EIF4G1: variants seen among roughly 807,000 people sequenced by gnomAD.
EIF4G1 encodes EIF4-gamma.
A neutral mutation model predicts 187.8 loss-of-function variants in EIF4G1; 4 were observed. The observed-to-expected ratio is 0.02, with a 90% CI of 0.01 to 0.05. The LOEUF is 0.05. Ranked by LOEUF, EIF4G1 falls within the 10% of genes least tolerant of loss-of-function variation. The pLI is 1.00. For missense variants in EIF4G1, 1,647 were observed against 2,081.1 expected (o/e 0.79, Z 4.06); for synonymous variants, 844 against 781.4 (o/e 1.08, Z -1.34).
At chr3:184,320,181 A>C in intron 7 of EIF4G1, 1 of 1,019,068 alleles carries the variant, frequency 9.8e-7, no homozygotes, top group Non-Finnish European at 1.3e-6. Context: ...CTCAGTCCTC[A>C]AGCCCTGGGC....
Position 184,317,731 on chromosome 3 carries a change from C to T in EIF4G1, c.339C>T (p.Tyr113=), listed in dbSNP as rs746125036. Residue 113 remains tyrosine (Y), a synonymous_variant, in exon 6 of 33, where the codon TAC becomes TAT. Transcript: ENST00000346169. ...YYIPGQGRST[Y]VVPTQQYPVQ... ...TTCCCCACCAGGGGCGTTCCACATA[C>T]GTTGTCCCGACACAGCAGTACCCTG... is the stretch of plus-strand genomic sequence containing the variant. 59 of 1,613,928 alleles carry T rather than the reference C, an allele frequency of 3.7e-5. No homozygotes were observed. The highest frequency in any genetic ancestry group is 5.3e-5 in the African/African-American group (4 of 74,914).
At position 184,325,958 on chromosome 3, in the gene EIF4G1, G is replaced by T. The variant is rs764023335; in HGVS notation, c.3222+7G>T. The T allele has an allele frequency of 1.7e-5, 27 of 1,613,900 alleles. No homozygotes were observed. In the South Asian group the frequency reaches 2.5e-4, roughly 15 times the overall value. Reference sequence around the variant, plus strand: ...ACTCACCAAGATCACCAAGGTAGGGGTGTGTGTGGGAGTGGGTGATTCAGC... The same window carrying T: ...ACTCACCAAGATCACCAAGGTAGGGTTGTGTGTGGGAGTGGGTGATTCAGC... On this transcript the variant is annotated splice_region_variant and intron_variant, in intron 21 of 32. Transcript: ENST00000346169. This position sits in a 1 kb window ranked among gnomAD's most constrained non-coding sequence, Gnocchi z 5.2.
rs1226249990 is a variant in EIF4G1 at position 184,321,709 on chromosome 3, G to A, written c.1125G>A (p.Glu375=). 1 of 1,592,966 alleles carries A rather than the reference G, an allele frequency of 6.3e-7. No individual in the cohort carries two copies. Among genetic ancestry groups the A allele is most frequent in the Non-Finnish European group, 8.6e-7 (1 of 1,167,564 alleles). ...CTGAAGATCTGGAACCAGAGGTGGA[G>A]TCAAGCCCAGAGCTTGCTCCTCCCC... The part of the protein sequence containing the change: ...VPSEDLEPEV[E]SSPELAPPPA... The change falls in exon 10 of 33, where the codon GAG becomes GAA. Residue 375 remains glutamate, a synonymous_variant. Coordinates refer to ENST00000346169, the MANE Select transcript of EIF4G1 (RefSeq NM_198241.3).
At position 184,325,380 on chromosome 3, in the gene EIF4G1, G is replaced by T. The variant is rs1253465963; in HGVS notation, c.2961+7G>T. ...CGTGCTGGATCTGCGAGGGGTGTGT[G>T]TCCCCCTCCTCCCCACTGCCAGCCT... On this transcript the variant is annotated splice_region_variant and intron_variant, in intron 19 of 32. Coordinates refer to ENST00000346169, the MANE Select transcript of EIF4G1 (RefSeq NM_198241.3). The surrounding 1 kb of genome is among the most constrained non-coding windows in gnomAD (Gnocchi z 5.2). The T allele has an allele frequency of 6.2e-7, 1 of 1,614,110 alleles. No homozygotes were observed. Among genetic ancestry groups the T allele is most frequent in the Non-Finnish European group, 8.5e-7 (1 of 1,179,948 alleles).
chr3:184,323,047 G>A lies in EIF4G1; in HGVS notation c.1930-36G>A, dbSNP rs767931291. 9.9e-6 allele frequency: 16 copies of A among 1,614,086 alleles called. No homozygotes were observed. The East Asian group carries it at 2.7e-4, about 27-fold the overall frequency. On this transcript the variant is annotated intron_variant, in intron 13 of 32. Transcript: ENST00000346169. This position sits in a 1 kb window ranked among gnomAD's most constrained non-coding sequence, Gnocchi z 6.9. ...CCTGAAAGAGTAGTCAACCGCTCTAGCCTGCTTCTGAGACCTTTTCCTGTC... is the reference window on the plus strand; with the variant it reads ...CCTGAAAGAGTAGTCAACCGCTCTAACCTGCTTCTGAGACCTTTTCCTGTC...
At chr3:184,332,357 T>TA in intron 32 of EIF4G1, among the ~76,000 whole-genome samples, 1 of 152,364 alleles carries the variant, frequency 6.6e-6, no homozygotes, top group East Asian at 1.9e-4. Context: ...TGATAGGATC[T>TA]TCCCAGTACC....
chr3:184,321,189 T>G, intron 9 of EIF4G1, 93 bp from the exon 10 acceptor site: 1 of 1,562,972 alleles, frequency 6.4e-7, no homozygotes, highest in Non-Finnish European at 8.8e-7. Context: ...TGCGGGGTTA[T>G]TAAGTTGGGA....
chr3:184,316,022 T>G, intron 3 of EIF4G1, 110 bp from the exon 4 acceptor site: 2 of 1,549,388 alleles, frequency 1.3e-6, no homozygotes, highest in South Asian at 2.4e-5. Context: ...GGAGGGGGTA[T>G]GTGGATTGTT....
intron 32 of EIF4G1, among the ~76,000 whole-genome samples, chr3:184,332,569 G>A (rs1392671438): frequency 6.6e-6 from 1 of 152,074 alleles, no homozygotes. Flanking sequence ...AGAGGAAGCC[G>A]AGCAATTTCC....
intron 17 of EIF4G1, 130 bp downstream of exon 17, chr3:184,324,477 T>C: frequency 7.1e-7 from 1 of 1,414,922 alleles, no homozygotes; most frequent in Non-Finnish European, 9.8e-7. Flanking sequence ...GACGTTTTTT[T>C]TCCTTTTTGA....
Position 184,319,754 on chromosome 3 carries a change from T to C in EIF4G1, c.490T>C (p.Leu164=), listed in dbSNP as rs1424798603. Residue 164 remains leucine, a synonymous_variant, in exon 7 of 33, where the codon TTG becomes CTG. Transcript: ENST00000346169. ...CACTGGCGTGGCCCCCACCCCAGTT[T>C]TGATGAACCAGCCACCCCAGATTGC... The part of the protein sequence containing the change: ...FPTGVAPTPV[L]MNQPPQIAPK... 1 of 1,608,736 alleles carries C rather than the reference T, an allele frequency of 6.2e-7. No homozygotes were observed. Among genetic ancestry groups the C allele is most frequent in the South Asian group, 1.1e-5 (1 of 89,808 alleles).
Position 184,316,015 on chromosome 3 carries a change from G to A in EIF4G1, c.61-117G>A, listed in dbSNP as rs1263089646. ...CTGTCCCCGGGGGCTGTCACGGGGA[G>A]GGGGTATGTGGATTGTTAAGGCTCT... On this transcript the variant is annotated intron_variant, in intron 3 of 32. Transcript: ENST00000346169. 3 of 1,541,234 alleles carry A rather than the reference G, an allele frequency of 1.9e-6. No homozygotes were observed. The East Asian group carries it at 7.4e-5, about 38-fold the overall frequency.
chr3:184,335,347 C>T lies in EIF4G1; in HGVS notation c.*439C>T. ...TGCCTGTAATTATTAAACATGAATTCAATTAAGCTCACTGCCTTTCTGCTT... is the reference window on the plus strand; with the variant it reads ...TGCCTGTAATTATTAAACATGAATTTAATTAAGCTCACTGCCTTTCTGCTT... On this transcript the variant is annotated 3_prime_UTR_variant, in exon 33 of 33. Coordinates refer to ENST00000346169, the MANE Select transcript of EIF4G1 (RefSeq NM_198241.3). 4.5e-6 allele frequency: 1 copy of T among 219,830 alleles called. No homozygotes were observed. Among genetic ancestry groups the T allele is most frequent in the Non-Finnish European group, 9.4e-6 (1 of 106,796 alleles). The allele number at this position is 219,830 out of a possible 1,614,324, so 13.6% of individuals were successfully genotyped here.
Position 184,319,691 on chromosome 3 carries a change from G to A in EIF4G1, c.427G>A (p.Gly143Ser). The change falls in exon 7 of 33, where the codon GGC (glycine) becomes AGC (serine). Residue 143 changes from glycine (G) to serine (S), a missense_variant and splice_region_variant. Coordinates refer to ENST00000346169, the MANE Select transcript of EIF4G1 (RefSeq NM_198241.3). ...ASPTEFGTYA[G>S]AYYPAQGVQQ... ...TTCTCCGTCCCCCCTCCCCCAAGCT[G>A]GCGCCTACTATCCAGCCCAAGGGGT... 1 of 1,586,942 alleles carries A rather than the reference G, an allele frequency of 6.3e-7. No individual in the cohort carries two copies. The highest frequency in any genetic ancestry group is 8.6e-7 in the Non-Finnish European group (1 of 1,165,868).
Position 184,326,585 on chromosome 3 carries a change from G to A in EIF4G1, c.3281G>A (p.Gly1094Asp). The part of the protein sequence containing the change: ...LFAPGGRLSW[G>D]KGSSGGSGAK... ...GCACCTGGAGGGCGACTGAGCTGGG[G>A]CAAGGGCAGCAGCGGAGGCTCAGGA... is the stretch of plus-strand genomic sequence containing the variant. Residue 1094 changes from glycine to aspartate, a missense_variant, in exon 22 of 33, where the codon GGC (glycine) becomes GAC (aspartate). Around this residue, in one of 11 missense-constraint regions of EIF4G1, gnomAD observed 142 missense variants for 296.6 expected, o/e 0.48. Coordinates refer to ENST00000346169, the MANE Select transcript of EIF4G1 (RefSeq NM_198241.3). 1 of 1,612,942 alleles carries A rather than the reference G, an allele frequency of 6.2e-7. No individual in the cohort carries two copies. The highest frequency in any genetic ancestry group is 8.5e-7 in the Non-Finnish European group (1 of 1,180,044).
intron 26 of EIF4G1, 116 bp from the exon 27 acceptor site, chr3:184,328,515 A>C (rs1249903533): frequency 5.6e-6 from 8 of 1,434,290 alleles, no homozygotes; most frequent in African/African-American, 1.4e-5. Flanking sequence ...AATTGTCCCC[A>C]TGTCTAGAAA....
chr3:184,314,750 C>G (rs1204429788), intron 1 of EIF4G1, 76 bp downstream of exon 1: 2 of 142,132 alleles, frequency 1.4e-5, no homozygotes, highest in African/African-American at 2.6e-5. Context: ...CGGGCCGGGA[C>G]CGGCCACCCT....
chr3:184,325,232 T>A lies in EIF4G1; in HGVS notation c.2857-37T>A. The stretch of plus-strand genomic sequence containing the variant: ...GGGGCCTGCAGTTATAGGTGGGACA[T>A]GAGAAGTTCCTGGTCTGATGCCTTT... On this transcript the variant is annotated intron_variant, in intron 18 of 32. Coordinates refer to ENST00000346169, the MANE Select transcript of EIF4G1 (RefSeq NM_198241.3). This position sits in a 1 kb window ranked among gnomAD's most constrained non-coding sequence, Gnocchi z 5.2. 6.2e-7 allele frequency: 1 copy of A among 1,611,768 alleles called. No homozygotes were observed.
At position 184,323,434 on chromosome 3, in the gene EIF4G1, G is replaced by C; in HGVS notation, c.2115G>C (p.Gln705His). 1 of 1,614,240 alleles carries C rather than the reference G, an allele frequency of 6.2e-7. No homozygotes were observed. Among genetic ancestry groups the C allele is most frequent in the Non-Finnish European group, 8.5e-7 (1 of 1,180,042 alleles). ...CTGGCCTGGGACCCCGGCGCTCTCA[G>C]CAGGGACCCCGAAAAGAACCACGCA... is the stretch of plus-strand genomic sequence containing the variant. The part of the protein sequence containing the change: ...GPAGLGPRRS[Q>H]QGPRKEPRKI... Residue 705 changes from glutamine to histidine, a missense_variant, in exon 15 of 33, where the codon CAG becomes CAC. By Grantham distance (24) the Gln-to-His change is conservative (BLOSUM62 0). This residue lies in a region of EIF4G1 where 140 missense variants were observed against 222.2 expected (regional missense o/e 0.63). Coordinates refer to ENST00000346169, the MANE Select transcript of EIF4G1 (RefSeq NM_198241.3). The surrounding 1 kb of genome is among the most constrained non-coding windows in gnomAD (Gnocchi z 6.9).
Sources: gnomAD v4.1 joint callset for allele counts (sites outside exome capture counted in the v4.1 genomes callset) on GRCh38, gnomAD v4.1.1 for gene constraint, gnomAD v4.1.1 regional missense constraint, Gnocchi (gnomAD v3.1) non-coding constraint, MANE v1.5 for transcripts, NCBI Gene and HGNC (gene_info 2026-07-23, HGNC 2026-07-21) for gene names.